EARS2: variants seen among roughly 807,000 people sequenced by gnomAD.
The protein encoded by EARS2 is nondiscriminating glutamyl-tRNA synthetase EARS2, mitochondrial.
In EARS2, 50 loss-of-function variants were observed where a neutral mutation model predicts 54.1. The observed-to-expected ratio is 0.92, with a 90% CI of 0.74 to 1.17. EARS2 has a LOEUF of 1.17. EARS2 is among the 50% of genes most tolerant of loss of function. EARS2 has a pLI of 0.00. For missense variants in EARS2, 673 were observed against 675.0 expected, an observed-to-expected ratio of 1.00 and a Z score of 0.03; for synonymous variants, 298 against 281.0, an observed-to-expected ratio of 1.06 and a Z score of -0.61.
At chr16:23,549,089 TAA>T (rs1965652709) in intron 2 of EARS2, among the ~76,000 whole-genome samples, 1 of 152,012 alleles carries the variant, frequency 6.6e-6, no homozygotes, top group African/African-American at 2.4e-5. Context: ...GTGACGGGAA[TAA>T]AAGAGCTGTA....
At chr16:23,533,291 C>T (rs568576192) in intron 4 of EARS2, among the ~76,000 whole-genome samples, 5 of 152,082 alleles carry the variant, frequency 3.3e-5, no homozygotes, top group Admixed American at 2.6e-4. Flanking sequence ...CAAATAAATA[C>T]ATCATACACA....
In EARS2 at chr16:23,557,348, G is replaced by T. The variant is rs1012550215; in HGVS notation, c.-5C>A. ...TCTCCTCAGGAGCGCCGCCATGTGGGATGGAATAGCACACGTGGGCTTCTC... is the reference window on the plus strand; with the variant it reads ...TCTCCTCAGGAGCGCCGCCATGTGGTATGGAATAGCACACGTGGGCTTCTC... On this transcript the variant is annotated 5_prime_UTR_variant, in exon 1 of 9. Transcript: ENST00000449606. The T allele has an allele frequency of 1.3e-6, 2 of 1,542,514 alleles. No individual in the cohort carries two copies. Among genetic ancestry groups the T allele is most frequent in the Non-Finnish European group, 1.7e-6 (2 of 1,150,300 alleles).
chr16:23,539,311 A>G lies in EARS2; in HGVS notation c.486-3951T>C, dbSNP rs185701117. On this transcript the variant is annotated intron_variant, in intron 3 of 8. Coordinates refer to ENST00000449606, the MANE Select transcript of EARS2 (RefSeq NM_001083614.2). ...AATAGAAAGGACTTGTATTGCATTG[A>G]GTTTATAAACTTTTGGTTTGTGAAA... Among the ~76,000 whole-genome samples, 28 of 152,250 alleles carry G rather than the reference A, an allele frequency of 1.8e-4. No individual in the cohort carries two copies. In the East Asian group the frequency reaches 3.5e-3, roughly 19 times the overall value.
intron 5 of EARS2, 130 bp from the exon 6 acceptor site, chr16:23,530,027 A>G: frequency 9.0e-7 from 1 of 1,112,268 alleles, no homozygotes; most frequent in East Asian, 2.5e-5. Context: ...TTCGCAAGCT[A>G]GAAGAATCTC....
chr16:23,534,758 A>G (rs112190633), intron 4 of EARS2, 130 bp downstream of exon 4: 10,448 of 745,660 alleles, frequency 0.014, 108 homozygotes, highest in Middle Eastern at 0.023. Context: ...GAATAAAAGA[A>G]TAAACTTGTC....
intron 5 of EARS2, among the ~76,000 whole-genome samples, chr16:23,531,614 A>G (rs1431298549): frequency 1.3e-5 from 2 of 152,176 alleles, no homozygotes; most frequent in Non-Finnish European, 2.9e-5. Flanking sequence ...TACGTGAAAC[A>G]GGGCAAAATC....
At chr16:23,549,840 A>G (rs1334146028) in intron 2 of EARS2, among the ~76,000 whole-genome samples, 1 of 152,116 alleles carries the variant, frequency 6.6e-6, no homozygotes, top group African/African-American at 2.4e-5. Flanking sequence ...CCTCAAATAC[A>G]TCTAGAACAC....
chr16:23,525,183 G>T (rs746993976), intron 8 of EARS2, 61 bp downstream of exon 8: 1 of 1,612,598 alleles, frequency 6.2e-7, no homozygotes, highest in African/African-American at 1.3e-5. Context: ...GCCAGGAAAT[G>T]TAAGTTCAAA....
At chr16:23,545,486 A>C (rs1034029501) in intron 2 of EARS2, among the ~76,000 whole-genome samples, 1 of 152,138 alleles carries the variant, frequency 6.6e-6, no homozygotes, top group African/African-American at 2.4e-5. Flanking sequence ...TTTTCCCTGA[A>C]GCCTCAAACC....
intron 3 of EARS2, among the ~76,000 whole-genome samples, chr16:23,537,716 G>A (rs1472496537): frequency 6.6e-6 from 1 of 151,798 alleles, no homozygotes; most frequent in Admixed American, 6.6e-5. Context: ...AGGACTACAG[G>A]TATGCACGAC....
At chr16:23,546,723 CTTTT>C (rs1400233190) in intron 2 of EARS2, among the ~76,000 whole-genome samples, 1 of 152,114 alleles carries the variant, frequency 6.6e-6, no homozygotes, top group Non-Finnish European at 1.5e-5. Flanking sequence ...GCCTGGCTAA[CTTTT>C]TTTAAGTTTT....
At position 23,529,878 on chromosome 16, in the gene EARS2, C is replaced by A. The variant is rs1259674452; in HGVS notation, c.1087G>T (p.Val363Leu). The stretch of plus-strand genomic sequence containing the variant: ...TGGCGCCTCTGGCTCTCATTGCTCA[C>A]CAGCCGCTGGAGGTGCAGTCTGCGG... ...EFNRLHLQRLVSNESQRRQLV... is the reference protein window; with the variant it reads ...EFNRLHLQRLLSNESQRRQLV... The change falls in exon 6 of 9, where the codon GTG becomes TTG. Residue 363 changes from valine (V) to leucine (L), a missense_variant. Val to Leu is a conservative substitution (Grantham distance 32). This residue lies in a region of EARS2 where 338 missense variants were observed against 361.2 expected (regional missense o/e 0.94). Transcript: ENST00000449606. 1.2e-6 allele frequency: 2 copies of A among 1,614,012 alleles called. No homozygotes were observed. Among genetic ancestry groups the A allele is most frequent in the Non-Finnish European group, 8.5e-7 (1 of 1,180,036 alleles).
intron 2 of EARS2, among the ~76,000 whole-genome samples, chr16:23,548,196 T>A (rs1965635982): frequency 6.6e-6 from 1 of 150,626 alleles, no homozygotes; most frequent in African/African-American, 2.4e-5. Flanking sequence ...ATCGCACCAC[T>A]GCACTCCAGC....
intron 7 of EARS2, among the ~76,000 whole-genome samples, chr16:23,526,176 G>C (rs1250747823): frequency 3.5e-5 from 5 of 141,386 alleles, no homozygotes; most frequent in African/African-American, 1.3e-4. Flanking sequence ...GCAATGGCAC[G>C]ATCTCAGCTC....
At chr16:23,536,826 G>A (rs1281935511) in intron 3 of EARS2, among the ~76,000 whole-genome samples, 1 of 151,874 alleles carries the variant, frequency 6.6e-6, no homozygotes, top group East Asian at 2.0e-4. Flanking sequence ...AGGATTACAG[G>A]TGCCTGCCAC....
rs1965139379 is a variant in EARS2, at chr16:23,521,196, T to C, written c.*3175A>G. On this transcript the variant is annotated 3_prime_UTR_variant, in exon 9 of 9. Coordinates refer to ENST00000449606, the MANE Select transcript of EARS2 (RefSeq NM_001083614.2). ...AGTTCAGCGGCATTACGTATCTTTATAATGTTGTGCAATTATCACCACCAT... is the reference window on the plus strand; with the variant it reads ...AGTTCAGCGGCATTACGTATCTTTACAATGTTGTGCAATTATCACCACCAT... 3.3e-5 allele frequency among the ~76,000 whole-genome samples: 5 copies of C among 152,202 alleles called. No individual in the cohort carries two copies.
chr16:23,529,673 C>A, intron 6 of EARS2, 41 bp from the exon 7 acceptor site: 2 of 1,613,056 alleles, frequency 1.2e-6, no homozygotes. Context: ...AGGGACAGGG[C>A]TCTGGAAGGC....
At chr16:23,550,531 G>A (rs369058732) in intron 2 of EARS2, among the ~76,000 whole-genome samples, 5 of 137,544 alleles carry the variant, frequency 3.6e-5, no homozygotes, top group Admixed American at 1.6e-4. Flanking sequence ...TCCGCCTTCC[G>A]GGTTCACGCC....
intron 4 of EARS2, among the ~76,000 whole-genome samples, chr16:23,533,336 T>C (rs1362377498): frequency 1.3e-5 from 2 of 151,930 alleles, no homozygotes; most frequent in African/African-American, 4.8e-5. Context: ...GACATGGAGT[T>C]TCACTATATT....
Sources: allele counts gnomAD v4.1 joint callset (sites outside exome capture counted in the v4.1 genomes callset), GRCh38; gene constraint gnomAD v4.1.1; regional missense constraint gnomAD v4.1.1; transcripts MANE v1.5; gene names NCBI Gene and HGNC (gene_info 2026-07-23, HGNC 2026-07-21).